FOXP2: variants seen among roughly 807,000 people sequenced by gnomAD.
FOXP2 encodes the protein forkhead box protein P2.
FOXP2 carries 12 observed loss-of-function variants against 115.8 expected under a neutral mutation model. That is an observed-to-expected ratio of 0.10 (90% CI 0.07 to 0.17). FOXP2 has a LOEUF of 0.17. Among genes scored for constraint, FOXP2 ranks in the 10% least tolerant of loss-of-function variants. The pLI, the probability that FOXP2 is intolerant of heterozygous loss-of-function variation, is 1.00. For missense variants in FOXP2, 629 were observed against 843.5 expected, an observed-to-expected ratio of 0.75 and a Z score of 3.15; for synonymous variants, 328 against 297.7, an observed-to-expected ratio of 1.10 and a Z score of -1.05.
In FOXP2 at chr7:114,631,605, A is replaced by T. The variant is rs143019903; in HGVS notation, c.675A>T (p.Gln225His). Reference protein sequence around the residue: ...LVFQQQLLQMQQLQQQQHLLS... With the variant: ...LVFQQQLLQMHQLQQQQHLLS... ...TCCAGCAGCAGCTTCTCCAGATGCAACAACTCCAGCAGCAGCAGCATCTGC... is the reference window on the plus strand; with the variant it reads ...TCCAGCAGCAGCTTCTCCAGATGCATCAACTCCAGCAGCAGCAGCATCTGC... The change falls in exon 6 of 17, where the codon CAA becomes CAT. Residue 225 changes from glutamine to histidine, a missense_variant. Transcript: ENST00000350908. 1 of 1,612,286 alleles carries T rather than the reference A, an allele frequency of 6.2e-7. No homozygotes were observed. Among genetic ancestry groups the T allele is most frequent in the Non-Finnish European group, 8.5e-7 (1 of 1,179,248 alleles).
intron 16 of FOXP2, among the ~76,000 whole-genome samples, chr7:114,678,431 T>C (rs1299954908): frequency 6.6e-6 from 1 of 152,080 alleles, no homozygotes; most frequent in Non-Finnish European, 1.5e-5. Context: ...GGACATGTCT[T>C]AAAGTTTACC....
intron 3 of FOXP2, among the ~76,000 whole-genome samples, chr7:114,575,545 T>C (rs1407547334): frequency 6.6e-6 from 1 of 151,860 alleles, no homozygotes; most frequent in Non-Finnish European, 1.5e-5. Context: ...AATAGTGTTC[T>C]CCAAATGCTT....
chr7:114,187,420 A>G (rs1156429598), intron 1 of FOXP2, among the ~76,000 whole-genome samples: 3 of 152,172 alleles, frequency 2.0e-5, no homozygotes, highest in Non-Finnish European at 2.9e-5. Flanking sequence ...ACTTTATAAC[A>G]AGGATAGATC....
At chr7:114,093,299 T>C (rs1448091228) in intron 1 of FOXP2, among the ~76,000 whole-genome samples, 1 of 152,208 alleles carries the variant, frequency 6.6e-6, no homozygotes, top group Non-Finnish European at 1.5e-5. Flanking sequence ...ATATCCTTGT[T>C]AGAGAAGCCT....
At chr7:114,129,259 G>T (rs570036814) in intron 1 of FOXP2, among the ~76,000 whole-genome samples, 2 of 152,082 alleles carry the variant, frequency 1.3e-5, no homozygotes, top group African/African-American at 4.8e-5. Context: ...GAAATTCAAG[G>T]ATTTTAACTG....
chr7:114,130,892 T>G (rs778935574), intron 1 of FOXP2, among the ~76,000 whole-genome samples: 1 of 152,250 alleles, frequency 6.6e-6, no homozygotes, highest in Non-Finnish European at 1.5e-5. Context: ...GCTTTATTTC[T>G]ACTACATTTT....
intron 1 of FOXP2, among the ~76,000 whole-genome samples, chr7:114,177,875 C>T (rs1381952489): frequency 6.6e-6 from 1 of 151,900 alleles, no homozygotes; most frequent in East Asian, 1.9e-4. Flanking sequence ...TATAGTCAGA[C>T]ATAATGTACA....
At chr7:114,297,431 C>A in intron 2 of FOXP2, 1 of 509,872 alleles carries the variant, frequency 2.0e-6, no homozygotes. Context: ...AGAGCCATGG[C>A]TGCTGCTCTT....
intron 2 of FOXP2, among the ~76,000 whole-genome samples, chr7:114,520,440 T>C (rs749918557): frequency 2.6e-5 from 4 of 152,144 alleles, no homozygotes; most frequent in Admixed American, 6.6e-5. Context: ...TATCAGGTAA[T>C]TTTTTGCAAA....
chr7:114,229,577 A>G (rs1256847067), intron 1 of FOXP2, among the ~76,000 whole-genome samples: 1 of 151,776 alleles, frequency 6.6e-6, no homozygotes, highest in African/African-American at 2.4e-5. Context: ...TGAAACTAGA[A>G]ATCAATAAAA....
chr7:114,625,399 C>G (rs529099323), intron 3 of FOXP2, among the ~76,000 whole-genome samples: 1 of 151,640 alleles, frequency 6.6e-6, no homozygotes, highest in South Asian at 2.1e-4. Context: ...ACATATCTAG[C>G]GAAAAATAGT....
chr7:114,604,838 A>C (rs773431231), intron 3 of FOXP2, among the ~76,000 whole-genome samples: 3 of 152,200 alleles, frequency 2.0e-5, no homozygotes, highest in Non-Finnish European at 2.9e-5. Context: ...ATGAGGATTC[A>C]GCAAAATGAA....
At chr7:114,092,544 TA>T (rs1357730917) in intron 1 of FOXP2, among the ~76,000 whole-genome samples, 1 of 152,108 alleles carries the variant, frequency 6.6e-6, no homozygotes, top group African/African-American at 2.4e-5. Flanking sequence ...AAAACTTTCT[TA>T]AAATGTATTT....
chr7:114,133,236 C>A (rs908596605), intron 1 of FOXP2, among the ~76,000 whole-genome samples: 1 of 152,128 alleles, frequency 6.6e-6, no homozygotes, highest in African/African-American at 2.4e-5. Flanking sequence ...CAGGATAATA[C>A]TTCCTTTTTC....
intron 2 of FOXP2, among the ~76,000 whole-genome samples, chr7:114,333,099 G>A (rs1797752242): frequency 1.3e-5 from 2 of 152,162 alleles, no homozygotes; most frequent in East Asian, 1.9e-4. Flanking sequence ...ATTCTCGGAG[G>A]AATAATAATA....
intron 16 of FOXP2, chr7:114,668,651 G>A (rs1180945509): frequency 6.6e-6 from 1 of 152,166 alleles, no homozygotes; most frequent in East Asian, 1.9e-4. Context: ...ACATGTGTGA[G>A]TGTGTGTGCA....
Position 114,631,542 on chromosome 7 carries a change from GCAGCAGCAACAGCAATTGGCAGCC to G in FOXP2, c.620_643del (p.Gln207_Gln214del). On this transcript the variant is annotated inframe_deletion, in exon 6 of 17. Transcript: ENST00000350908. Reference sequence around the variant, plus strand: ...TCTGATACCAGCAGCAGCAGCAGCAGCAGCAGCAACAGCAATTGGCAGCCCAGCAGCTTGTCTTCCAGCAGCAGC... The same window carrying G: ...TCTGATACCAGCAGCAGCAGCAGCAGCAGCAGCTTGTCTTCCAGCAGCAGC... 1 of 1,577,450 alleles carries G rather than the reference GCAGCAGCAACAGCAATTGGCAGCC, an allele frequency of 6.3e-7. No individual in the cohort carries two copies. The highest frequency in any genetic ancestry group is 8.6e-7 in the Non-Finnish European group (1 of 1,160,838).
chr7:114,485,134 CT>C lies in FOXP2; in HGVS notation c.169-49480del, dbSNP rs1387555565. 3.9e-5 allele frequency among the ~76,000 whole-genome samples: 6 copies of C among 151,946 alleles called. No homozygotes were observed. In the East Asian group the frequency reaches 1.2e-3, roughly 29 times the overall value. ...TTGCCCCAAATGCTGAATTTATAAA[CT>C]TTGAAATGAAAGCATTGCTTTTGCT... On this transcript the variant is annotated intron_variant, in intron 2 of 16. Transcript: ENST00000350908.
At chr7:114,214,729 T>C (rs1794445995) in intron 1 of FOXP2, among the ~76,000 whole-genome samples, 1 of 152,148 alleles carries the variant, frequency 6.6e-6, no homozygotes. Context: ...AACCCATTCT[T>C]TTCCTTCTGC....
Sources: gnomAD v4.1 joint callset for allele counts (sites outside exome capture counted in the v4.1 genomes callset) on GRCh38, gnomAD v4.1.1 for gene constraint, MANE v1.5 for transcripts, NCBI Gene and HGNC (gene_info 2026-07-23, HGNC 2026-07-21) for gene names.